DYTN: variants seen among roughly 807,000 people sequenced by gnomAD.
DYTN encodes dystrotelin.
A neutral mutation model predicts 69.6 loss-of-function variants in DYTN; 75 were observed. That is an observed-to-expected ratio of 1.08 (90% CI 0.89 to 1.31). The LOEUF (loss-of-function observed/expected upper bound fraction) is 1.31, where lower values mean the gene tolerates loss of function less well. DYTN is among the 50% of genes most tolerant of loss of function. The pLI, the probability that DYTN is intolerant of heterozygous loss-of-function variation, is 0.00. For synonymous variants in DYTN, 252 were observed against 249.1 expected, an observed-to-expected ratio of 1.01 and a Z score of -0.11; for missense variants, 726 against 688.4, an observed-to-expected ratio of 1.05 and a Z score of -0.61.
At chr2:206,699,669 T>C in intron 7 of DYTN, 58 bp downstream of exon 7, 1 of 1,536,826 alleles carries the variant, frequency 6.5e-7, no homozygotes, top group East Asian at 2.3e-5. Flanking sequence ...GGGATGCAGC[T>C]CCAACTGTAG....
At chr2:206,692,379 T>C (rs1424251709) in intron 9 of DYTN, among the ~76,000 whole-genome samples, 1 of 152,056 alleles carries the variant, frequency 6.6e-6, no homozygotes. Context: ...CATCTTTAGG[T>C]TGGTGATCAG....
chr2:206,707,605 T>A, intron 2 of DYTN, 102 bp from the exon 3 acceptor site: 1 of 1,178,016 alleles, frequency 8.5e-7, no homozygotes, highest in Non-Finnish European at 1.2e-6. Context: ...AGACTTTTTA[T>A]GGTCGCTATT....
intron 9 of DYTN, among the ~76,000 whole-genome samples, chr2:206,687,594 T>C (rs902313426): frequency 5.7e-4 from 87 of 152,150 alleles, no homozygotes; most frequent in African/African-American, 1.8e-3. Flanking sequence ...TTGTTTTTCT[T>C]TCTTCCTTAG....
At chr2:206,655,526 C>T (rs1047877967) in intron 11 of DYTN, among the ~76,000 whole-genome samples, 3 of 152,010 alleles carry the variant, frequency 2.0e-5, no homozygotes, top group African/African-American at 7.3e-5. Context: ...CCTCCTGCTT[C>T]AGTCTCTTGA....
At chr2:206,667,834 C>T (rs1250429452) in intron 9 of DYTN, among the ~76,000 whole-genome samples, 3 of 151,908 alleles carry the variant, frequency 2.0e-5, no homozygotes, top group Non-Finnish European at 4.4e-5. Context: ...CTGCTGTTAG[C>T]ATATTTGTGG....
chr2:206,679,769 C>G (rs558655735), intron 9 of DYTN, among the ~76,000 whole-genome samples: 1 of 152,078 alleles, frequency 6.6e-6, no homozygotes, highest in Non-Finnish European at 1.5e-5. Flanking sequence ...AGGAAAGACA[C>G]GATTATTCTG....
chr2:206,703,873 G>T (rs765008450), intron 5 of DYTN, among the ~76,000 whole-genome samples: 73 of 152,054 alleles, frequency 4.8e-4, no homozygotes, highest in Admixed American at 7.2e-4. Context: ...CAAGGGTAAG[G>T]GTACAACAGG....
Position 206,654,257 on chromosome 2 carries a change from C to T in DYTN, c.1634-2336G>A, listed in dbSNP as rs112668836. ...CATGAATTTGAACTGTGTGAGCCAA[C>T]TAATTCATGGATTTTCTTCTACCTC... On this transcript the variant is annotated intron_variant, in intron 11 of 11. Coordinates refer to ENST00000452335, the MANE Select transcript of DYTN (RefSeq NM_001093730.1). Among the ~76,000 whole-genome samples, 343 of 152,236 alleles carry T rather than the reference C, an allele frequency of 2.3e-3. 1 individual carries two copies. The highest frequency in any genetic ancestry group is 0.018 in the South Asian group (87 of 4,824).
rs1574603056 is a variant in DYTN at position 206,705,682 on chromosome 2, A to T, written c.382+106T>A. ...TTTTTATTTAATAAACACATAAGTCATGCTGAGTACATGCTGAAGAGGCCT... is the reference window on the plus strand; with the variant it reads ...TTTTTATTTAATAAACACATAAGTCTTGCTGAGTACATGCTGAAGAGGCCT... On this transcript the variant is annotated intron_variant, in intron 4 of 11. Coordinates refer to ENST00000452335, the MANE Select transcript of DYTN (RefSeq NM_001093730.1). 14 of 952,944 alleles carry T rather than the reference A, an allele frequency of 1.5e-5. No individual in the cohort carries two copies. In the East Asian group the frequency reaches 3.4e-4, roughly 23 times the overall value. 59.0% of individuals were successfully genotyped at this position (952,944 alleles called of 1,614,324 possible). A position where few individuals can be genotyped will look rare whatever the true frequency, so the allele number is the denominator to read the frequency against.
intron 5 of DYTN, among the ~76,000 whole-genome samples, chr2:206,702,024 A>T (rs16838613): frequency 5.3e-5 from 8 of 152,090 alleles, no homozygotes; most frequent in Non-Finnish European, 7.4e-5. Context: ...GTCTCACTCC[A>T]GGACTCTTAC....
chr2:206,665,821 G>A, intron 10 of DYTN, 49 bp downstream of exon 10: 1 of 1,591,902 alleles, frequency 6.3e-7, no homozygotes, highest in Admixed American at 1.7e-5. Context: ...AGGACTCAAG[G>A]TTAGACTTCC....
chr2:206,690,933 G>A (rs536731893), intron 9 of DYTN, among the ~76,000 whole-genome samples: 139 of 152,262 alleles, frequency 9.1e-4, no homozygotes, highest in African/African-American at 3.0e-3. Context: ...GGACCAAAAG[G>A]ACCAAGACTA....
intron 2 of DYTN, among the ~76,000 whole-genome samples, chr2:206,708,409 G>A (rs907462007): frequency 3.9e-5 from 6 of 152,102 alleles, no homozygotes; most frequent in East Asian, 1.9e-4. Flanking sequence ...TCTCTACTTC[G>A]TAAATCAACC....
intron 9 of DYTN, among the ~76,000 whole-genome samples, chr2:206,685,538 G>A (rs898272619): frequency 6.6e-6 from 1 of 152,086 alleles, no homozygotes; most frequent in South Asian, 2.1e-4. Flanking sequence ...GAAATGTTTT[G>A]CAACAGACTC....
At position 206,699,253 on chromosome 2, in the gene DYTN, A is replaced by G. The variant is rs570060229; in HGVS notation, c.719+474T>C. Among the ~76,000 whole-genome samples, 33 of 152,278 alleles carry G rather than the reference A, an allele frequency of 2.2e-4. No individual in the cohort carries two copies. The South Asian group carries it at 6.6e-3, about 31-fold the overall frequency. On this transcript the variant is annotated intron_variant, in intron 7 of 11. Coordinates refer to ENST00000452335, the MANE Select transcript of DYTN (RefSeq NM_001093730.1). ...GTTGGAGACCAGTGTGGGCAACACA[A>G]TAAGATCCCATCTCTACAAAAAATA...
At chr2:206,715,916 C>T (rs552145223) in intron 1 of DYTN, among the ~76,000 whole-genome samples, 5 of 152,120 alleles carry the variant, frequency 3.3e-5, no homozygotes, top group East Asian at 1.9e-4. Context: ...GGTGAAACCC[C>T]GCCTCTACTA....
intron 7 of DYTN, among the ~76,000 whole-genome samples, chr2:206,697,060 A>T (rs979993837): frequency 1.3e-5 from 2 of 152,214 alleles, no homozygotes; most frequent in African/African-American, 4.8e-5. Flanking sequence ...GAAGTGTACA[A>T]CATAATAAAC....
At chr2:206,712,154 T>C (rs1700084080) in intron 1 of DYTN, among the ~76,000 whole-genome samples, 1 of 152,164 alleles carries the variant, frequency 6.6e-6, no homozygotes, top group South Asian at 2.1e-4. Context: ...CAACATCGCC[T>C]GGGAACTTGG....
chr2:206,665,901 G>T lies in DYTN; in HGVS notation c.1109C>A (p.Thr370Asn). The change falls in exon 10 of 12, where the codon ACC becomes AAC. Residue 370 changes from threonine (T) to asparagine (N), a missense_variant. Coordinates refer to ENST00000452335, the MANE Select transcript of DYTN (RefSeq NM_001093730.1). ...GTCCCGTCTTATCTGTTGTAGCTTGGTCCATAGACTATCCTGGTTGGTTTT... is the reference window on the plus strand; with the variant it reads ...GTCCCGTCTTATCTGTTGTAGCTTGTTCCATAGACTATCCTGGTTGGTTTT... ...KLKTNQDSLW[T>N]KLQQIRRDLQ... is the part of the protein sequence containing the mutation. The T allele has an allele frequency of 6.2e-7, 1 of 1,613,910 alleles. No individual in the cohort carries two copies. The highest frequency in any genetic ancestry group is 8.5e-7 in the Non-Finnish European group (1 of 1,179,854).
Sources: allele counts gnomAD v4.1 joint callset (sites outside exome capture counted in the v4.1 genomes callset), GRCh38; gene constraint gnomAD v4.1.1; transcripts MANE v1.5; gene names NCBI Gene and HGNC (gene_info 2026-07-23, HGNC 2026-07-21).